The following JAK1 variants were observed in gnomAD, a reference collection of about 807,000 sequenced individuals.
JAK1 encodes tyrosine-protein kinase JAK1.
Under a neutral mutation model 136.6 loss-of-function variants are expected in JAK1, and 16 were observed. The ratio of observed to expected loss-of-function variants is 0.12; its 90% CI spans 0.08 to 0.18. JAK1 has a LOEUF of 0.18. Ranked by LOEUF, JAK1 falls within the 10% of genes least tolerant of loss-of-function variation. JAK1 has a pLI of 1.00. For missense variants in JAK1, 859 were observed against 1,450.1 expected (o/e 0.59, Z 6.62); for synonymous variants, 492 against 519.5 (o/e 0.95, Z 0.72).
intron 1 of JAK1, among the ~76,000 whole-genome samples, chr1:65,057,343 C>G (rs1311913030): frequency 1.3e-5 from 2 of 152,182 alleles, no homozygotes; most frequent in African/African-American, 4.8e-5. Context: ...TCTCCAATAA[C>G]CACCTTTCAC....
intron 1 of JAK1, among the ~76,000 whole-genome samples, chr1:64,916,732 G>A (rs936977364): frequency 3.3e-5 from 5 of 151,970 alleles, no homozygotes; most frequent in Admixed American, 6.6e-5. Context: ...CAGCTACTGA[G>A]GAGGCTGAGG....
chr1:65,062,195 T>A (rs938283090), intron 1 of JAK1, among the ~76,000 whole-genome samples: 1 of 152,144 alleles, frequency 6.6e-6, no homozygotes, highest in African/African-American at 2.4e-5. Context: ...CCTCTCCCCT[T>A]CAAACATGTA....
intron 2 of JAK1, among the ~76,000 whole-genome samples, chr1:65,000,289 C>T (rs1646743074): frequency 1.3e-5 from 2 of 152,042 alleles, no homozygotes; most frequent in African/African-American, 4.8e-5. Flanking sequence ...TATTCCTGAA[C>T]CCAGCAATAC....
chr1:65,066,776 C>T, intron 1 of JAK1: 1 of 153,952 alleles, frequency 6.5e-6, no homozygotes. Flanking sequence ...CCGCCGCCTC[C>T]TCCTCTTAGA....
At chr1:64,849,993 TA>T in intron 12 of JAK1, among the ~76,000 whole-genome samples, 1 of 152,178 alleles carries the variant, frequency 6.6e-6, no homozygotes, top group East Asian at 1.9e-4. Context: ...AAAGGTAAAG[TA>T]ACAAACCCCC....
At chr1:65,055,379 ACATTT>A (rs1305493251) in intron 1 of JAK1, among the ~76,000 whole-genome samples, 5 of 152,234 alleles carry the variant, frequency 3.3e-5, no homozygotes, top group African/African-American at 4.8e-5. Flanking sequence ...GGTATACACT[ACATTT>A]CATTTATCTA....
intron 19 of JAK1, 74 bp from the exon 20 acceptor site, chr1:64,839,869 C>T (rs976727740): frequency 7.6e-7 from 1 of 1,309,436 alleles, no homozygotes; most frequent in East Asian, 2.5e-5. Context: ...AAGTCTTGCT[C>T]CTCACAGCCG....
At position 64,883,350 on chromosome 1, in the gene JAK1, G is replaced by A; in HGVS notation, c.132C>T (p.Asp44=). 1 of 1,614,176 alleles carries A rather than the reference G, an allele frequency of 6.2e-7. No homozygotes were observed. The change falls in exon 3 of 25, where the codon GAC becomes GAT. Residue 44 remains aspartate (D), a synonymous_variant. Transcript: ENST00000342505. The part of the protein sequence containing the change: ...PGVEVIFYLS[D]REPLRLGSGE... ...CACTGCCCAGCCGGAGGGGCTCCCT[G>A]TCCGACAGATAGAAGATCACTTCCA...
chr1:64,874,770 T>C (rs1288371432), intron 4 of JAK1, among the ~76,000 whole-genome samples: 1 of 152,158 alleles, frequency 6.6e-6, no homozygotes, highest in African/African-American at 2.4e-5. Flanking sequence ...CCTCTTTCCC[T>C]GCAAAAAGCT....
intron 1 of JAK1, among the ~76,000 whole-genome samples, chr1:65,054,270 T>C (rs1647424344): frequency 6.6e-6 from 1 of 152,174 alleles, no homozygotes; most frequent in Admixed American, 6.5e-5. Flanking sequence ...GCTCCTTTAA[T>C]GAAGCTGCTA....
At chr1:65,021,045 C>G (rs1342889721) in intron 2 of JAK1, among the ~76,000 whole-genome samples, 1 of 152,158 alleles carries the variant, frequency 6.6e-6, no homozygotes, top group Non-Finnish European at 1.5e-5. Context: ...TGCTCCTCTC[C>G]CTTCCCTCTC....
intron 2 of JAK1, chr1:64,990,469 C>CA (rs922309340): frequency 6.6e-6 from 1 of 151,668 alleles, no homozygotes; most frequent in Admixed American, 6.6e-5. Context: ...ACCACACACA[C>CA]AAAAAAATAA....
At chr1:64,969,111 T>TA (rs556278912), upstream of JAK1, among the ~76,000 whole-genome samples, 66 of 143,420 alleles carry the variant, frequency 4.6e-4, no homozygotes, top group Middle Eastern at 0.01. Flanking sequence ...CCCCTTCTCT[T>TA]AAAAAAAAAA....
chr1:64,881,460 A>T (rs1339896004), intron 3 of JAK1, among the ~76,000 whole-genome samples: 1 of 152,056 alleles, frequency 6.6e-6, no homozygotes, highest in Non-Finnish European at 1.5e-5. Context: ...GAGGGGGTGA[A>T]TCAATGAGAA....
intron 1 of JAK1, among the ~76,000 whole-genome samples, chr1:64,941,052 T>C (rs1377464121): frequency 6.6e-6 from 1 of 152,120 alleles, no homozygotes; most frequent in Non-Finnish European, 1.5e-5. Flanking sequence ...TAATCCCAGC[T>C]ACTTGGAAGG....
At chr1:64,941,470 T>A (rs1557710438) in intron 1 of JAK1, among the ~76,000 whole-genome samples, 1 of 152,180 alleles carries the variant, frequency 6.6e-6, no homozygotes, top group Non-Finnish European at 1.5e-5. Flanking sequence ...AAAGATGATT[T>A]ATCTTGACCA....
intron 2 of JAK1, among the ~76,000 whole-genome samples, chr1:64,977,138 C>CTTGTTTGT (rs10636048): frequency 0.18 from 26,877 of 148,198 alleles, 2,788 homozygotes; most frequent in East Asian, 0.3. Context: ...ACAGCTTCAT[C>CTTGTTTGT]TTGTTTGTTT....
chr1:64,971,366 AT>A (rs969625532), upstream of JAK1, among the ~76,000 whole-genome samples: 76 of 151,730 alleles, frequency 5.0e-4, no homozygotes, highest in Middle Eastern at 6.8e-3. Context: ...CATGCAAATA[AT>A]TTTTTTTTGA....
chr1:64,995,039 T>C (rs1426063010), intron 2 of JAK1: 1 of 151,250 alleles, frequency 6.6e-6, no homozygotes, highest in African/African-American at 2.4e-5. Flanking sequence ...CAAATTCTCC[T>C]CGTGTTGTCT....
Sources: allele counts gnomAD v4.1 joint callset (sites outside exome capture counted in the v4.1 genomes callset), GRCh38; gene constraint gnomAD v4.1.1; transcripts MANE v1.5; gene names NCBI Gene and HGNC (gene_info 2026-07-23, HGNC 2026-07-21).